ST6GALNAC5: variants seen among roughly 807,000 people sequenced by gnomAD.
ST6GALNAC5 encodes alpha-N-acetylgalactosaminide alpha-2,6-sialyltransferase 5.
In ST6GALNAC5, 27 loss-of-function variants were observed where a neutral mutation model predicts 33.6. That is an observed-to-expected ratio of 0.80 (90% CI 0.59 to 1.11). The LOEUF (loss-of-function observed/expected upper bound fraction) is 1.11, where lower values mean the gene tolerates loss of function less well. Among genes scored for constraint, ST6GALNAC5 ranks in the 50% least tolerant of loss-of-function variants. The pLI, the probability that ST6GALNAC5 is intolerant of heterozygous loss-of-function variation, is 0.00. For missense variants in ST6GALNAC5, 428 were observed against 454.0 expected (o/e 0.94, Z 0.52); for synonymous variants, 194 against 171.2 (o/e 1.13, Z -1.04).
intron 2 of ST6GALNAC5, among the ~76,000 whole-genome samples, chr1:76,936,953 G>GGCGT (rs138095164): frequency 0.019 from 2,670 of 140,018 alleles, 134 homozygotes; most frequent in African/African-American, 0.063. Flanking sequence ...AGAGAAGCAG[G>GGCGT]GTGTGTGTGT....
At chr1:76,947,595 G>A (rs1444797574) in intron 2 of ST6GALNAC5, among the ~76,000 whole-genome samples, 1 of 151,942 alleles carries the variant, frequency 6.6e-6, no homozygotes, top group Non-Finnish European at 1.5e-5. Context: ...ACATTAGCTA[G>A]GTGTGGTGGC....
intron 2 of ST6GALNAC5, among the ~76,000 whole-genome samples, chr1:76,910,916 A>C (rs1442535461): frequency 6.6e-6 from 1 of 151,908 alleles, no homozygotes; most frequent in East Asian, 1.9e-4. Flanking sequence ...TTCAGCACCC[A>C]CTGCAATTGT....
At chr1:76,965,404 G>A (rs1248453945) in intron 2 of ST6GALNAC5, among the ~76,000 whole-genome samples, 1 of 152,158 alleles carries the variant, frequency 6.6e-6, no homozygotes, top group Non-Finnish European at 1.5e-5. Flanking sequence ...GTGCATAAAT[G>A]TCTTCTTTTG....
intron 2 of ST6GALNAC5, among the ~76,000 whole-genome samples, chr1:77,035,052 C>A (rs1651600299): frequency 6.6e-6 from 1 of 152,100 alleles, no homozygotes; most frequent in Non-Finnish European, 1.5e-5. Context: ...GAATCAGAAG[C>A]ACTGGAGGGC....
At chr1:76,975,740 G>T (rs561490323) in intron 2 of ST6GALNAC5, among the ~76,000 whole-genome samples, 6 of 152,178 alleles carry the variant, frequency 3.9e-5, no homozygotes, top group Non-Finnish European at 8.8e-5. Context: ...TAGTGTTTAG[G>T]AATGCGTATT....
chr1:77,046,831 C>A (rs964963928), intron 3 of ST6GALNAC5, among the ~76,000 whole-genome samples: 8 of 152,136 alleles, frequency 5.3e-5, no homozygotes, highest in Admixed American at 6.5e-5. Flanking sequence ...TAAAACACTG[C>A]CGCAATGTTA....
intron 2 of ST6GALNAC5, among the ~76,000 whole-genome samples, chr1:76,930,392 G>A (rs371042121): frequency 2.2e-4 from 33 of 152,204 alleles, no homozygotes; most frequent in East Asian, 1.9e-3. Flanking sequence ...AAGAAGTAAT[G>A]CAGTTTTTAA....
At chr1:76,960,896 C>T (rs910946271) in intron 2 of ST6GALNAC5, among the ~76,000 whole-genome samples, 4 of 152,054 alleles carry the variant, frequency 2.6e-5, no homozygotes, top group Non-Finnish European at 5.9e-5. Context: ...GCTCTACAAA[C>T]AATTTGTGCA....
chr1:76,952,795 C>G (rs966459519), intron 2 of ST6GALNAC5, among the ~76,000 whole-genome samples: 3 of 151,832 alleles, frequency 2.0e-5, no homozygotes, highest in Non-Finnish European at 4.4e-5. Context: ...ACTTGTGCAC[C>G]CCCTCGCCTG....
At chr1:76,981,207 T>C (rs1649237957) in intron 2 of ST6GALNAC5, among the ~76,000 whole-genome samples, 1 of 152,084 alleles carries the variant, frequency 6.6e-6, no homozygotes, top group Non-Finnish European at 1.5e-5. Context: ...CAGGGAAGCA[T>C]GAGGGGTCGG....
chr1:77,056,851 T>A (rs1462050263), intron 4 of ST6GALNAC5, among the ~76,000 whole-genome samples: 1 of 152,144 alleles, frequency 6.6e-6, no homozygotes, highest in Non-Finnish European at 1.5e-5. Context: ...CACAATGCTA[T>A]TCCATGGGCT....
intron 2 of ST6GALNAC5, among the ~76,000 whole-genome samples, chr1:76,924,692 T>C (rs1329364408): frequency 6.6e-6 from 1 of 152,124 alleles, no homozygotes; most frequent in East Asian, 1.9e-4. Context: ...CATCCACAGT[T>C]CTATGAGCTC....
intron 2 of ST6GALNAC5, among the ~76,000 whole-genome samples, chr1:76,914,216 C>G (rs1396784638): frequency 6.6e-6 from 1 of 152,168 alleles, no homozygotes; most frequent in East Asian, 1.9e-4. Flanking sequence ...AAGAACATTC[C>G]ATGCTCATGG....
intron 2 of ST6GALNAC5, among the ~76,000 whole-genome samples, chr1:76,975,790 C>A (rs1381980283): frequency 6.6e-6 from 1 of 152,072 alleles, no homozygotes; most frequent in Non-Finnish European, 1.5e-5. Flanking sequence ...ATATTAGTTA[C>A]CTTTAAAAAA....
intron 2 of ST6GALNAC5, among the ~76,000 whole-genome samples, chr1:77,017,882 C>T (rs767529757): frequency 3.3e-5 from 5 of 152,120 alleles, no homozygotes; most frequent in African/African-American, 9.7e-5. Flanking sequence ...GAACACTACA[C>T]GTGGGATGAG....
chr1:77,025,572 T>C (rs906052600), intron 2 of ST6GALNAC5, among the ~76,000 whole-genome samples: 35 of 151,538 alleles, frequency 2.3e-4, no homozygotes, highest in African/African-American at 7.8e-4. Context: ...AAAATGTCAC[T>C]AATAAAGGTC....
chr1:77,000,675 G>A (rs1317219014), intron 2 of ST6GALNAC5, among the ~76,000 whole-genome samples: 1 of 150,564 alleles, frequency 6.6e-6, no homozygotes, highest in East Asian at 2.0e-4. Flanking sequence ...TGTATAAGGT[G>A]TAAGGAAGGG....
In ST6GALNAC5 at chr1:76,869,566, T is replaced by C. The variant is rs183711207; in HGVS notation, c.261+824T>C. Among the ~76,000 whole-genome samples, 41 of 152,360 alleles carry C rather than the reference T, an allele frequency of 2.7e-4. 1 individual carries two copies. The highest frequency in any genetic ancestry group is 9.9e-4 in the African/African-American group (41 of 41,588). Reference sequence around the variant, plus strand: ...TTTATTAAAACACAATTCCACTCTCTATCTGCTTTATAAAGCTAGAGGATT... The same window carrying C: ...TTTATTAAAACACAATTCCACTCTCCATCTGCTTTATAAAGCTAGAGGATT... On this transcript the variant is annotated intron_variant, in intron 2 of 4. Transcript: ENST00000477717.
At chr1:76,882,591 G>A (rs1041591048) in intron 2 of ST6GALNAC5, among the ~76,000 whole-genome samples, 5 of 152,292 alleles carry the variant, frequency 3.3e-5, no homozygotes, top group African/African-American at 9.6e-5. Flanking sequence ...CTAAGGAGGT[G>A]TCTGTAGAGT....
Sources: allele counts gnomAD v4.1 joint callset (sites outside exome capture counted in the v4.1 genomes callset), GRCh38; gene constraint gnomAD v4.1.1; transcripts MANE v1.5; gene names NCBI Gene and HGNC (gene_info 2026-07-23, HGNC 2026-07-21).